The following DSP variants were observed in gnomAD, a reference collection of about 807,000 sequenced individuals.
The protein encoded by DSP is 250/210 kDa paraneoplastic pemphigus antigen.
In DSP, 114 loss-of-function variants were observed where a neutral mutation model predicts 290.6. The ratio of observed to expected loss-of-function variants is 0.39; its 90% CI spans 0.34 to 0.46. DSP has a LOEUF of 0.46. Ranked by LOEUF, DSP falls within the 20% of genes least tolerant of loss-of-function variation. The pLI is 0.99. For missense variants in DSP, 3,230 were observed against 3,495.8 expected, an observed-to-expected ratio of 0.92 and a Z score of 1.92; for synonymous variants, 1,311 against 1,316.4, an observed-to-expected ratio of 1.00 and a Z score of 0.09.
intron 2 of DSP, among the ~76,000 whole-genome samples, chr6:7,556,609 C>G (rs1191982335): frequency 6.6e-6 from 1 of 152,164 alleles, no homozygotes; most frequent in Admixed American, 6.5e-5. Flanking sequence ...TCTAAATAGC[C>G]TACATTTGAA....
At chr6:7,581,948 G>T (rs932265459) in intron 23 of DSP, among the ~76,000 whole-genome samples, 1 of 151,984 alleles carries the variant, frequency 6.6e-6, no homozygotes, top group Non-Finnish European at 1.5e-5. Context: ...ATACTAAAGT[G>T]TTTCCCTATG....
rs794728155 is a variant in DSP at position 7,585,472 on chromosome 6, T to C, written c.8210T>C (p.Val2737Ala). ...TTCCAGTACCTCACGGGAGGTCTTGTTGACCCGGAAGTGCATGGGAGGATA... is the reference window on the plus strand; with the variant it reads ...TTCCAGTACCTCACGGGAGGTCTTGCTGACCCGGAAGTGCATGGGAGGATA... ...LEFQYLTGGL[V>A]DPEVHGRIST... The change falls in exon 24 of 24, where the codon GTT becomes GCT. Residue 2737 changes from valine (V) to alanine (A), a missense_variant. Physicochemically the swap from Val to Ala is moderately conservative, Grantham distance 64. This residue lies in a region of DSP where 582 missense variants were observed against 555.4 expected (regional missense o/e 1.05). Coordinates refer to ENST00000379802, the MANE Select transcript of DSP (RefSeq NM_004415.4). 3 of 1,614,048 alleles carry C rather than the reference T, an allele frequency of 1.9e-6. No homozygotes were observed. The African/African-American group carries it at 4.0e-5, about 22-fold the overall frequency.
chr6:7,561,612 G>T (rs772982983), intron 4 of DSP, among the ~76,000 whole-genome samples: 13 of 152,196 alleles, frequency 8.5e-5, no homozygotes, highest in Admixed American at 7.9e-4. Flanking sequence ...GCCTGGTCAC[G>T]TTGCTAATGT....
Position 7,584,643 on chromosome 6 carries a change from C to T in DSP, c.7381C>T (p.Leu2461Phe), listed in dbSNP as rs201863784. The change falls in exon 24 of 24, where the codon CTC (leucine) becomes TTC (phenylalanine). Residue 2461 changes from leucine (L) to phenylalanine (F), a missense_variant. By Grantham distance (22) the Leu-to-Phe change is conservative. Around this residue, in one of 5 missense-constraint regions of DSP, gnomAD observed 582 missense variants for 555.4 expected, o/e 1.05. Coordinates refer to ENST00000379802, the MANE Select transcript of DSP (RefSeq NM_004415.4). This position sits in a 1 kb window ranked among gnomAD's most constrained non-coding sequence, Gnocchi z 6.4. ...KQVQTSQKNT[L>F]RKRRVVIVDP... ...GGTGCAGACATCACAAAAGAATACC[C>T]TCAGGAAGCGTAGAGTGGTCATAGT... 5 of 1,614,090 alleles carry T rather than the reference C, an allele frequency of 3.1e-6. No homozygotes were observed. The highest frequency in any genetic ancestry group is 4.2e-6 in the Non-Finnish European group (5 of 1,179,988).
At chr6:7,572,801 C>T (rs1186324477) in intron 15 of DSP, among the ~76,000 whole-genome samples, 4 of 152,066 alleles carry the variant, frequency 2.6e-5, no homozygotes, top group African/African-American at 9.7e-5. Flanking sequence ...CATGCAAGCG[C>T]CATAGAGCAT....
At chr6:7,555,527 TAC>T (rs906890396) in intron 1 of DSP, among the ~76,000 whole-genome samples, 189 bp from the exon 2 acceptor site, 8 of 152,040 alleles carry the variant, frequency 5.3e-5, no homozygotes, top group African/African-American at 1.9e-4. Flanking sequence ...CACAGATAAA[TAC>T]ACACACATCT....
Position 7,583,467 on chromosome 6 carries a change from G to T in DSP, c.6205G>T (p.Val2069Phe). The T allele has an allele frequency of 6.2e-7, 1 of 1,614,176 alleles. No individual in the cohort carries two copies. Among genetic ancestry groups the T allele is most frequent in the Non-Finnish European group, 8.5e-7 (1 of 1,180,048 alleles). The change falls in exon 24 of 24, where the codon GTC becomes TTC. Residue 2069 changes from valine to phenylalanine, a missense_variant. Transcript: ENST00000379802. The surrounding 1 kb of genome is among the most constrained non-coding windows in gnomAD (Gnocchi z 4.0). ...TCCCCATCGGAATGAGAAGCTGACT[G>T]TCGACAGTGCCATAGCTCGGGACCT... Reference protein sequence around the residue: ...IDPHRNEKLTVDSAIARDLID... With the variant: ...IDPHRNEKLTFDSAIARDLID...
At position 7,585,798 on chromosome 6, in the gene DSP, C is replaced by T; in HGVS notation, c.8536C>T (p.Arg2846Trp). 2 of 1,610,858 alleles carry T rather than the reference C, an allele frequency of 1.2e-6. No individual in the cohort carries two copies. The highest frequency in any genetic ancestry group is 1.7e-6 in the Non-Finnish European group (2 of 1,179,206). ...GSRSGSRSGS[R>W]RGSFDATGNS... ...TCGCTCCGGGTCCCGCAGTGGGTCCCGGAGAGGAAGCTTTGACGCCACAGG... is the reference window on the plus strand; with the variant it reads ...TCGCTCCGGGTCCCGCAGTGGGTCCTGGAGAGGAAGCTTTGACGCCACAGG... Residue 2846 changes from arginine to tryptophan, a missense_variant, in exon 24 of 24, where the codon CGG becomes TGG. This residue lies in a region of DSP where 582 missense variants were observed against 555.4 expected (regional missense o/e 1.05). Transcript: ENST00000379802.
In DSP at chr6:7,584,217, G is replaced by T. The variant is rs1759553676; in HGVS notation, c.6955G>T (p.Gly2319Cys). 1 of 1,614,176 alleles carries T rather than the reference G, an allele frequency of 6.2e-7. No individual in the cohort carries two copies. Among genetic ancestry groups the T allele is most frequent in the African/African-American group, 1.3e-5 (1 of 75,040 alleles). Residue 2319 changes from glycine to cysteine, a missense_variant, in exon 24 of 24, where the codon GGT (glycine) becomes TGT (cysteine). Gly to Cys is a radical substitution (Grantham distance 159). Coordinates refer to ENST00000379802, the MANE Select transcript of DSP (RefSeq NM_004415.4). This position sits in a 1 kb window ranked among gnomAD's most constrained non-coding sequence, Gnocchi z 6.4. ...RLPVEEAYKR[G>C]LVGIEFKEKL... ...ACCAGTGGAGGAAGCCTACAAGAGA[G>T]GTCTGGTGGGCATTGAGTTCAAAGA...
chr6:7,567,820 G>A lies in DSP; in HGVS notation c.1180G>A (p.Gly394Arg), dbSNP rs769054351. Reference sequence around the variant, plus strand: ...GCAGTCTACTGAAGCATACCTGAAGGGGCTCCAGGACTCCATCAGGAAGAA... The same window carrying A: ...GCAGTCTACTGAAGCATACCTGAAGAGGCTCCAGGACTCCATCAGGAAGAA... Reference protein sequence around the residue: ...EAQSTEAYLKGLQDSIRKKYP... With the variant: ...EAQSTEAYLKRLQDSIRKKYP... Residue 394 changes from glycine (G) to arginine (R), a missense_variant, in exon 10 of 24, where the codon GGG (glycine) becomes AGG (arginine). Coordinates refer to ENST00000379802, the MANE Select transcript of DSP (RefSeq NM_004415.4). 6.2e-7 allele frequency: 1 copy of A among 1,613,976 alleles called. No individual in the cohort carries two copies. Among genetic ancestry groups the A allele is most frequent in the Admixed American group, 1.7e-5 (1 of 60,008 alleles).
At chr6:7,551,895 C>T (rs751621697) in intron 1 of DSP, among the ~76,000 whole-genome samples, 1 of 152,118 alleles carries the variant, frequency 6.6e-6, no homozygotes, top group East Asian at 1.9e-4. Context: ...TTTGATGGAC[C>T]GAGCCATTCA....
intron 8 of DSP, 85 bp downstream of exon 8, chr6:7,566,566 G>T: frequency 1.8e-6 from 2 of 1,112,180 alleles, no homozygotes; most frequent in South Asian, 1.4e-5. Context: ...ATTCTTATAT[G>T]ACTTAAAGCC....
chr6:7,577,624 A>G (rs151079960), intron 20 of DSP, among the ~76,000 whole-genome samples, 155 bp from the exon 21 acceptor site: 90 of 152,264 alleles, frequency 5.9e-4, no homozygotes, highest in Admixed American at 3.0e-3. Flanking sequence ...CACCACGCTA[A>G]TGTAGTATTA....
Position 7,541,723 on chromosome 6 carries a change from C to G in DSP, c.-193C>G. The G allele has an allele frequency of 1.5e-6, 1 of 658,722 alleles. No individual in the cohort carries two copies. Among genetic ancestry groups the G allele is most frequent in the Admixed American group, 3.2e-5 (1 of 31,182 alleles). 40.8% of individuals were successfully genotyped at this position (658,722 alleles called of 1,614,324 possible). On this transcript the variant is annotated 5_prime_UTR_variant, in exon 1 of 24. Coordinates refer to ENST00000379802, the MANE Select transcript of DSP (RefSeq NM_004415.4). ...CACAGCTTTCCTCCCGCTCCTGCCC[C>G]CGGCCCGTCGCCGTCTCCGCGCTCG...
chr6:7,555,535 C>T (rs1275125371), intron 1 of DSP, among the ~76,000 whole-genome samples, 183 bp from the exon 2 acceptor site: 1 of 152,104 alleles, frequency 6.6e-6, no homozygotes, highest in Non-Finnish European at 1.5e-5. Flanking sequence ...AATACACACA[C>T]ATCTATGGAG....
chr6:7,554,275 A>G (rs1271458488), intron 1 of DSP, among the ~76,000 whole-genome samples: 1 of 152,196 alleles, frequency 6.6e-6, no homozygotes. Context: ...TCTGAAACCA[A>G]ACTACAGTAG....
In DSP at chr6:7,584,322, A is replaced by T; in HGVS notation, c.7060A>T (p.Met2354Leu). 6.2e-7 allele frequency: 1 copy of T among 1,614,242 alleles called. No individual in the cohort carries two copies. Among genetic ancestry groups the T allele is most frequent in the Admixed American group, 1.7e-5 (1 of 60,034 alleles). The change falls in exon 24 of 24, where the codon ATG (methionine) becomes TTG (leucine). Residue 2354 changes from methionine to leucine, a missense_variant. Met to Leu is a conservative substitution (Grantham distance 15, BLOSUM62 2). Around this residue, in one of 5 missense-constraint regions of DSP, gnomAD observed 207 missense variants for 281.2 expected, o/e 0.74. Coordinates refer to ENST00000379802, the MANE Select transcript of DSP (RefSeq NM_004415.4). This position sits in a 1 kb window ranked among gnomAD's most constrained non-coding sequence, Gnocchi z 6.4. ...TGNIISLFQA[M>L]NKELIEKGHG... The stretch of plus-strand genomic sequence containing the variant: ...AAACATCATCTCTTTGTTCCAAGCC[A>T]TGAATAAGGAACTCATCGAAAAGGG...
chr6:7,566,519 A>G (rs746218935), intron 8 of DSP, 38 bp downstream of exon 8: 1 of 1,564,262 alleles, frequency 6.4e-7, no homozygotes, highest in East Asian at 2.3e-5. Flanking sequence ...TTAGAAAAAA[A>G]AAAACTTTTC....
intron 7 of DSP, 129 bp from the exon 8 acceptor site, chr6:7,566,248 C>G (rs1758860232): frequency 1.3e-6 from 1 of 770,610 alleles, no homozygotes; most frequent in Admixed American, 2.0e-5. Context: ...TTGAGGAAAA[C>G]AGCGTGATTC....
Sources: gnomAD v4.1 joint callset for allele counts (sites outside exome capture counted in the v4.1 genomes callset) on GRCh38, gnomAD v4.1.1 for gene constraint, gnomAD v4.1.1 regional missense constraint, Gnocchi (gnomAD v3.1) non-coding constraint, MANE v1.5 for transcripts, NCBI Gene and HGNC (gene_info 2026-07-23, HGNC 2026-07-21) for gene names.